Variants in FGF14 observed in about 807,000 individuals in gnomAD.
FGF14 encodes fibroblast growth factor 14.
A neutral mutation model predicts 25.5 loss-of-function variants in FGF14; 5 were observed. That is an observed-to-expected ratio of 0.20 (90% confidence interval 0.10 to 0.41). The LOEUF is 0.41. FGF14 is among the 10% of genes least tolerant of loss of function. The pLI, the probability that FGF14 is intolerant of heterozygous loss-of-function variation, is 1.00. For missense variants in FGF14, 222 were observed against 320.1 expected (o/e 0.69, Z 2.34); for synonymous variants, 138 against 118.3 (o/e 1.17, Z -1.08).
intron 1 of FGF14, among the ~76,000 whole-genome samples, chr13:102,268,060 G>C (rs779696151): frequency 5.3e-5 from 8 of 152,104 alleles, no homozygotes; most frequent in Non-Finnish European, 1.2e-4. Flanking sequence ...ACACATTTAT[G>C]AAATCAATAA....
At chr13:102,039,469 C>T (rs1291925029) in intron 1 of FGF14, among the ~76,000 whole-genome samples, 1 of 152,164 alleles carries the variant, frequency 6.6e-6, no homozygotes, top group South Asian at 2.1e-4. Flanking sequence ...GTTGGTCCTA[C>T]AGCCTCTGAG....
At chr13:101,951,515 T>C (rs1268307047) in intron 1 of FGF14, among the ~76,000 whole-genome samples, 1 of 152,156 alleles carries the variant, frequency 6.6e-6, no homozygotes, top group Non-Finnish European at 1.5e-5. Flanking sequence ...TTGGAAACAT[T>C]AAGGAACATG....
intron 1 of FGF14, among the ~76,000 whole-genome samples, chr13:102,232,705 C>T (rs940954670): frequency 3.9e-5 from 6 of 152,080 alleles, no homozygotes; most frequent in South Asian, 2.1e-4. Flanking sequence ...AAAATAAACA[C>T]GATGTAAATC....
chr13:101,796,277 A>T (rs891891594), intron 3 of FGF14, among the ~76,000 whole-genome samples: 2 of 152,024 alleles, frequency 1.3e-5, no homozygotes, highest in Non-Finnish European at 2.9e-5. Flanking sequence ...ACCTGCAATA[A>T]CGCCTTCGAT....
chr13:102,021,072 G>T (rs2040623741), intron 1 of FGF14, among the ~76,000 whole-genome samples: 1 of 152,012 alleles, frequency 6.6e-6, no homozygotes, highest in South Asian at 2.1e-4. Flanking sequence ...TGACTACTGG[G>T]TGTATGTGCC....
At chr13:102,318,413 G>A (rs2056117790) in intron 1 of FGF14, among the ~76,000 whole-genome samples, 2 of 152,252 alleles carry the variant, frequency 1.3e-5, no homozygotes, top group African/African-American at 2.4e-5. Context: ...CTAAACAACA[G>A]ACATGTATTG....
chr13:102,079,663 G>T (rs1430157611), intron 1 of FGF14, among the ~76,000 whole-genome samples: 3 of 152,142 alleles, frequency 2.0e-5, no homozygotes, highest in Non-Finnish European at 4.4e-5. Context: ...AACACAGAGA[G>T]TCTGTGTCCA....
intron 1 of FGF14, among the ~76,000 whole-genome samples, chr13:102,107,306 A>C (rs913643550): frequency 1.3e-5 from 2 of 152,214 alleles, no homozygotes; most frequent in Non-Finnish European, 2.9e-5. Context: ...CACAGTATTT[A>C]AAGCTCAGGT....
chr13:102,158,602 G>A (rs141394344), intron 1 of FGF14, among the ~76,000 whole-genome samples: 5,766 of 151,568 alleles, frequency 0.038, 358 homozygotes, highest in African/African-American at 0.13. Flanking sequence ...GCACACCAAC[G>A]TGGCACATGT....
chr13:101,901,882 T>C (rs2031603076), intron 1 of FGF14, among the ~76,000 whole-genome samples: 1 of 152,146 alleles, frequency 6.6e-6, no homozygotes, highest in South Asian at 2.1e-4. Context: ...GAGAATATTA[T>C]CTACTTTAAA....
chr13:102,317,052 C>T (rs1416330156), intron 1 of FGF14, among the ~76,000 whole-genome samples: 1 of 152,064 alleles, frequency 6.6e-6, no homozygotes, highest in African/African-American at 2.4e-5. Flanking sequence ...TTCATTCCAT[C>T]ACGTACCTTC....
intron 3 of FGF14, among the ~76,000 whole-genome samples, chr13:101,744,543 AGAT>A (rs2036762045): frequency 6.6e-6 from 1 of 152,134 alleles, no homozygotes; most frequent in South Asian, 2.1e-4. Flanking sequence ...AATGCACAGT[AGAT>A]GATTAATAAA....
chr13:102,245,547 G>GA (rs1394244919), intron 1 of FGF14, among the ~76,000 whole-genome samples: 1 of 151,804 alleles, frequency 6.6e-6, no homozygotes, highest in East Asian at 1.9e-4. Flanking sequence ...CTTAGAAGTA[G>GA]AAAAAAATTA....
intron 1 of FGF14, among the ~76,000 whole-genome samples, chr13:102,121,716 C>T (rs907649182): frequency 5.3e-5 from 8 of 152,096 alleles, no homozygotes; most frequent in African/African-American, 1.9e-4. Context: ...GACTTGAAAG[C>T]GTGTCTTTGA....
In FGF14 at chr13:101,717,374, T is replaced by TTGA. The variant is rs1337677945; in HGVS notation, c.*5454_*5456dup. ...GTAGTTCTATTATTGAGTACGTAAATTGATAGATCTCTTCCGTAAAATGAG... is the reference window on the plus strand; with the variant it reads ...GTAGTTCTATTATTGAGTACGTAAATTGATGATAGATCTCTTCCGTAAAATGAG... On this transcript the variant is annotated 3_prime_UTR_variant, in exon 5 of 5. Coordinates refer to ENST00000376143, the MANE Select transcript of FGF14 (RefSeq NM_004115.4). The TTGA allele has an allele frequency of 1.3e-5, 2 of 152,158 alleles. No homozygotes were observed. Among genetic ancestry groups the TTGA allele is most frequent in the African/African-American group, 4.8e-5 (2 of 41,432 alleles). The allele number at this position is 152,158 out of a possible 1,614,324, so 9.4% of individuals were successfully genotyped here.
chr13:102,093,204 T>TATTAA (rs2044245372), intron 1 of FGF14, among the ~76,000 whole-genome samples: 1 of 114,862 alleles, frequency 8.7e-6, no homozygotes, highest in African/African-American at 2.6e-5. Context: ...TAAAAAAAAT[T>TATTAA]CTTAGGTGTG....
At chr13:102,315,262 AAC>A (rs1272601127) in intron 1 of FGF14, among the ~76,000 whole-genome samples, 1 of 152,180 alleles carries the variant, frequency 6.6e-6, no homozygotes, top group Non-Finnish European at 1.5e-5. Flanking sequence ...TTTGAAAAGA[AAC>A]ACATATTGCT....
intron 1 of FGF14, among the ~76,000 whole-genome samples, chr13:102,212,069 C>T (rs777147550): frequency 2.0e-5 from 3 of 152,122 alleles, no homozygotes; most frequent in African/African-American, 7.2e-5. Flanking sequence ...CATTAGAGGA[C>T]GTTAGGGAAT....
chr13:101,963,000 T>G (rs377409644), intron 1 of FGF14, among the ~76,000 whole-genome samples: 24 of 152,390 alleles, frequency 1.6e-4, no homozygotes, highest in African/African-American at 5.0e-4. Flanking sequence ...TTCCTGGCTT[T>G]CTTTCTTTGG....
Sources: allele counts gnomAD v4.1 joint callset (sites outside exome capture counted in the v4.1 genomes callset), GRCh38; gene constraint gnomAD v4.1.1; transcripts MANE v1.5; gene names NCBI Gene and HGNC (gene_info 2026-07-23, HGNC 2026-07-21).